Variants in NAALADL2 observed in about 807,000 individuals in gnomAD.
NAALADL2 encodes the protein N-acetylated alpha-linked acidic dipeptidase like 2.
A neutral mutation model predicts 87.2 loss-of-function variants in NAALADL2; 76 were observed. The ratio of observed to expected loss-of-function variants is 0.87; its 90% CI spans 0.72 to 1.05. The LOEUF is 1.05. NAALADL2 is among the 50% of genes least tolerant of loss of function. The probability of loss-of-function intolerance (pLI) is 0.00; values close to 1 mark genes in which losing one functional copy is unlikely to be tolerated. For missense variants in NAALADL2, 1,089 were observed against 945.8 expected, an observed-to-expected ratio of 1.15 and a Z score of -1.99; for synonymous variants, 354 against 331.0, an observed-to-expected ratio of 1.07 and a Z score of -0.75.
At chr3:175,789,319 CTT>C in intron 13 of NAALADL2, among the ~76,000 whole-genome samples, 1 of 152,092 alleles carries the variant, frequency 6.6e-6, no homozygotes, top group Admixed American at 6.6e-5. Context: ...GTTTCTGCGA[CTT>C]TATTTGTATT....
chr3:174,619,028 G>A (rs1251818274), intron 2 of NAALADL2, among the ~76,000 whole-genome samples: 1 of 151,776 alleles, frequency 6.6e-6, no homozygotes, highest in Non-Finnish European at 1.5e-5. Context: ...AAAAATTAAT[G>A]CAGAGATGGT....
chr3:175,305,660 T>A (rs1036806800), intron 4 of NAALADL2, among the ~76,000 whole-genome samples: 1 of 152,000 alleles, frequency 6.6e-6, no homozygotes, highest in Non-Finnish European at 1.5e-5. Context: ...GTAGCTGGGA[T>A]TACAGGCATG....
chr3:175,327,808 C>T (rs930208613), intron 5 of NAALADL2, among the ~76,000 whole-genome samples: 12 of 152,064 alleles, frequency 7.9e-5, no homozygotes, highest in Non-Finnish European at 8.8e-5. Context: ...TAGTAAGAGT[C>T]TTCATTAAAA....
chr3:174,854,244 TG>T lies in NAALADL2; in HGVS notation c.-9+116500del, dbSNP rs568577361. 1.2e-4 allele frequency among the ~76,000 whole-genome samples: 18 copies of T among 152,286 alleles called. 2 individuals are homozygous for T. In the South Asian group the frequency reaches 3.7e-3, roughly 32 times the overall value. ...ATCTTTTGCAGTACATGGATGGAAC[TG>T]GAGGCAATTATGTTAAATGAAATAA... On this transcript the variant is annotated intron_variant, in intron 3 of 3. Transcript: ENST00000434257.
intron 11 of NAALADL2, among the ~76,000 whole-genome samples, chr3:175,736,198 G>A (rs1215473305): frequency 6.6e-6 from 1 of 152,166 alleles, no homozygotes; most frequent in East Asian, 1.9e-4. Flanking sequence ...TAGTGCATGT[G>A]TTAATATTCT....
intron 4 of NAALADL2, among the ~76,000 whole-genome samples, chr3:175,276,326 A>G: frequency 6.9e-6 from 1 of 145,520 alleles, no homozygotes; most frequent in Non-Finnish European, 1.5e-5. Flanking sequence ...TTTGAGACGA[A>G]GCCTCGCTCT....
At chr3:174,809,993 TG>T (rs1210814048) in intron 3 of NAALADL2, among the ~76,000 whole-genome samples, 1 of 152,160 alleles carries the variant, frequency 6.6e-6, no homozygotes, top group African/African-American at 2.4e-5. Flanking sequence ...GGAAGATGCC[TG>T]CTCCTGCTTT....
At position 174,898,131 on chromosome 3, in the gene NAALADL2, A is replaced by G. The variant is rs1560338785; in HGVS notation, c.43+38681A>G. Reference sequence around the variant, plus strand: ...CCGTCTCAAAAAAAAAAAAAAAAAAAAAAAAAAAAAAAGAAAAAAAGAATG... The same window carrying G: ...CCGTCTCAAAAAAAAAAAAAAAAAAGAAAAAAAAAAAAGAAAAAAAGAATG... On this transcript the variant is annotated intron_variant, in intron 1 of 13. Coordinates refer to ENST00000454872, the MANE Select transcript of NAALADL2 (RefSeq NM_207015.3). Among the ~76,000 whole-genome samples the G allele has an allele frequency of 6.0e-5, 8 of 132,320 alleles. No individual in the cohort carries two copies. In the South Asian group the frequency reaches 1.3e-3, roughly 22 times the overall value. 86.8% of individuals were successfully genotyped at this position (132,320 alleles called of 152,430 possible).
intron 2 of NAALADL2, among the ~76,000 whole-genome samples, chr3:175,179,203 T>C (rs1163212561): frequency 6.6e-6 from 1 of 152,038 alleles, no homozygotes; most frequent in Non-Finnish European, 1.5e-5. Flanking sequence ...AATTTGTTAA[T>C]TTGCACATGA....
chr3:175,194,666 T>A (rs547862308), intron 2 of NAALADL2, among the ~76,000 whole-genome samples: 1 of 151,812 alleles, frequency 6.6e-6, no homozygotes, highest in Non-Finnish European at 1.5e-5. Context: ...GCAGCTTAGA[T>A]GAGGTATTTT....
rs1473189836 is a variant in NAALADL2, at chr3:175,806,689, CCTTT to C, written c.*3487_*3490del. 6 of 125,300 alleles carry C rather than the reference CCTTT, an allele frequency of 4.8e-5. No individual in the cohort carries two copies. Among genetic ancestry groups the C allele is most frequent in the Non-Finnish European group, 8.1e-5 (5 of 61,966 alleles). 7.8% of individuals were successfully genotyped at this position (125,300 alleles called of 1,614,324 possible). On this transcript the variant is annotated 3_prime_UTR_variant, in exon 14 of 14. Coordinates refer to ENST00000454872, the MANE Select transcript of NAALADL2 (RefSeq NM_207015.3). ...GTGTTTTAGAATTTTTCCCATGTAT[CCTTT>C]TTTTTTTTTTTTTTTTTTTTTAATT...
intron 5 of NAALADL2, among the ~76,000 whole-genome samples, chr3:175,377,899 G>C (rs1767342016): frequency 6.6e-6 from 1 of 152,060 alleles, no homozygotes. Flanking sequence ...CCCCTTTTCA[G>C]CTCCTCTTCC....
intron 2 of NAALADL2, among the ~76,000 whole-genome samples, chr3:175,133,121 A>T (rs1728446452): frequency 7.4e-6 from 1 of 134,664 alleles, no homozygotes; most frequent in Non-Finnish European, 1.6e-5. Flanking sequence ...ATCTCAGACG[A>T]TGGGCGGCCG....
chr3:175,729,745 CT>C (rs1743411255), intron 11 of NAALADL2, among the ~76,000 whole-genome samples: 1 of 149,906 alleles, frequency 6.7e-6, no homozygotes, highest in African/African-American at 2.5e-5. Context: ...AATTAAACTC[CT>C]TTAAATTTAA....
At chr3:175,674,272 T>A (rs1734436549) in intron 11 of NAALADL2, among the ~76,000 whole-genome samples, 1 of 151,540 alleles carries the variant, frequency 6.6e-6, no homozygotes, top group Admixed American at 6.6e-5. Context: ...TTGTTTTGTT[T>A]TTTTTGAGTT....
intron 5 of NAALADL2, among the ~76,000 whole-genome samples, chr3:175,341,984 A>C (rs1762610044): frequency 6.6e-6 from 1 of 152,054 alleles, no homozygotes; most frequent in African/African-American, 2.4e-5. Flanking sequence ...TTAAGCATAG[A>C]TGTATGGGTT....
intron 2 of NAALADL2, among the ~76,000 whole-genome samples, chr3:174,630,180 T>C (rs1721972604): frequency 6.6e-6 from 1 of 152,272 alleles, no homozygotes; most frequent in Middle Eastern, 3.4e-3. Flanking sequence ...ACAATATTAT[T>C]TAATAACACC....
At chr3:174,446,433 A>G (rs1715055456) in intron 1 of NAALADL2, among the ~76,000 whole-genome samples, 1 of 152,150 alleles carries the variant, frequency 6.6e-6, no homozygotes, top group South Asian at 2.1e-4. Flanking sequence ...CTTTAGTTTT[A>G]GGATTTTAGC....
At chr3:175,258,399 A>T (rs1750450718) in intron 4 of NAALADL2, among the ~76,000 whole-genome samples, 1 of 151,754 alleles carries the variant, frequency 6.6e-6, no homozygotes, top group South Asian at 2.1e-4. Context: ...CCCGTCTTGA[A>T]TGTGTATGTA....
Sources: allele counts gnomAD v4.1 joint callset (sites outside exome capture counted in the v4.1 genomes callset), GRCh38; gene constraint gnomAD v4.1.1; transcripts MANE v1.5; gene names NCBI Gene and HGNC (gene_info 2026-07-23, HGNC 2026-07-21).